Variants in C12orf42 observed in about 807,000 individuals in gnomAD.
C12orf42 encodes uncharacterized protein C12orf42.
In C12orf42, 25 loss-of-function variants were observed where a neutral mutation model predicts 21.6. That is an observed-to-expected ratio of 1.16 (90% CI 0.84 to 1.62). C12orf42 has a LOEUF of 1.62. C12orf42 is among the 40% of genes most tolerant of loss of function. C12orf42 has a pLI of 0.00. For missense variants in C12orf42, 483 were observed against 459.3 expected, an observed-to-expected ratio of 1.05 and a Z score of -0.47; for synonymous variants, 174 against 175.0, an observed-to-expected ratio of 0.99 and a Z score of 0.05.
the C12orf42 span, among the ~76,000 whole-genome samples, chr12:103,541,764 C>CT: frequency 5.4e-4 from 81 of 149,100 alleles, no homozygotes; most frequent in African/African-American, 1.4e-3. Flanking sequence ...TTGATTTAAT[C>CT]TTTTTTTTTT....
At chr12:103,131,536 G>A in the C12orf42 span, among the ~76,000 whole-genome samples, 1 of 152,048 alleles carries the variant, frequency 6.6e-6, no homozygotes, top group Non-Finnish European at 1.5e-5. Context: ...CTGTAGTTGA[G>A]GTAAAGCCCC....
chr12:103,256,031 C>T (rs1253457015), intron 10 of C12orf42, among the ~76,000 whole-genome samples: 32 of 110,910 alleles, frequency 2.9e-4, no homozygotes, highest in African/African-American at 6.7e-4. Context: ...CCAGCCTGGG[C>T]GAAAGAGCGA....
At chr12:103,297,557 C>T (rs896598067), downstream of C12orf42, among the ~76,000 whole-genome samples, 4 of 152,168 alleles carry the variant, frequency 2.6e-5, no homozygotes, top group South Asian at 2.1e-4. Flanking sequence ...CCTTCTGAAA[C>T]TATTCCAATC....
chr12:103,363,900 G>C (rs559165505), intron 4 of C12orf42, among the ~76,000 whole-genome samples: 4 of 152,120 alleles, frequency 2.6e-5, no homozygotes, highest in African/African-American at 9.6e-5. Flanking sequence ...AATAGTGGAG[G>C]ATTTCAATAC....
chr12:103,420,974 AC>A (rs2049843481), intron 2 of C12orf42, among the ~76,000 whole-genome samples: 1 of 152,244 alleles, frequency 6.6e-6, no homozygotes, highest in African/African-American at 2.4e-5. Context: ...ACCTATTCTT[AC>A]ACATTTTTCA....
chr12:103,068,969 A>G, the C12orf42 span, among the ~76,000 whole-genome samples: 14,852 of 91,630 alleles, frequency 0.16, 2,060 homozygotes, highest in East Asian at 0.55. Flanking sequence ...ATATATATAT[A>G]TATATATATA....
chr12:103,554,655 CTT>C, the C12orf42 span, among the ~76,000 whole-genome samples: 1 of 151,708 alleles, frequency 6.6e-6, no homozygotes, highest in Non-Finnish European at 1.5e-5. Context: ...CCCCAGAAAA[CTT>C]ACAATTATGG....
the C12orf42 span, among the ~76,000 whole-genome samples, chr12:103,199,928 C>T: frequency 2.6e-5 from 4 of 152,094 alleles, no homozygotes; most frequent in African/African-American, 9.6e-5. Flanking sequence ...TTGGAGGTCC[C>T]CAGAAAACTA....
intron 1 of C12orf42, among the ~76,000 whole-genome samples, chr12:103,478,970 G>A (rs1954273276): frequency 6.6e-6 from 1 of 152,044 alleles, no homozygotes; most frequent in South Asian, 2.1e-4. Context: ...TAATGGCTTT[G>A]TTCCTTTTTA....
intron 10 of C12orf42, among the ~76,000 whole-genome samples, chr12:103,251,013 G>A (rs1223657191): frequency 6.6e-6 from 1 of 151,860 alleles, no homozygotes; most frequent in Non-Finnish European, 1.5e-5. Context: ...CCCCTTTCTG[G>A]CACTTAAGTG....
the C12orf42 span, among the ~76,000 whole-genome samples, chr12:103,057,599 C>A: frequency 6.6e-6 from 1 of 152,126 alleles, no homozygotes; most frequent in Non-Finnish European, 1.5e-5. Context: ...TCTAGTCTAT[C>A]ATTGATGGGC....
At chr12:103,243,035 TTTTTA>T (rs2033830295) in intron 10 of C12orf42, among the ~76,000 whole-genome samples, 1 of 152,162 alleles carries the variant, frequency 6.6e-6, no homozygotes. Flanking sequence ...TGGGAAATTT[TTTTTA>T]AGAGATAGGG....
chr12:103,355,467 G>T (rs918875990), intron 4 of C12orf42, among the ~76,000 whole-genome samples: 4 of 152,142 alleles, frequency 2.6e-5, no homozygotes, highest in Admixed American at 1.3e-4. Context: ...CTGAAAGGAA[G>T]ATGATCATTT....
the C12orf42 span, among the ~76,000 whole-genome samples, chr12:103,101,223 A>G: frequency 1.3e-5 from 2 of 152,222 alleles, no homozygotes; most frequent in African/African-American, 4.8e-5. Flanking sequence ...TGCCTTGGGT[A>G]GAATGGTCCA....
chr12:103,386,347 G>A (rs904139337), intron 3 of C12orf42, among the ~76,000 whole-genome samples: 6 of 152,022 alleles, frequency 3.9e-5, no homozygotes, highest in African/African-American at 4.8e-5. Flanking sequence ...TTAAGAGCTC[G>A]GTGGCAGTTC....
the C12orf42 span, among the ~76,000 whole-genome samples, chr12:103,194,901 A>T: frequency 3.9e-5 from 6 of 152,138 alleles, no homozygotes; most frequent in East Asian, 1.2e-3. Context: ...CACCCAGGTA[A>T]CAAACATAGC....
chr12:103,371,170 T>G (rs2045192450), intron 3 of C12orf42, among the ~76,000 whole-genome samples: 1 of 151,900 alleles, frequency 6.6e-6, no homozygotes, highest in Non-Finnish European at 1.5e-5. Context: ...AAGGGTAAGG[T>G]TTTCATCTTG....
At chr12:103,114,138 G>GA in the C12orf42 span, among the ~76,000 whole-genome samples, 2,565 of 150,670 alleles carry the variant, frequency 0.017, 29 homozygotes, top group Non-Finnish European at 0.028. Context: ...CCTCCCAGTA[G>GA]AAAAAAAAAT....
chr12:103,175,273 T>C, the C12orf42 span, among the ~76,000 whole-genome samples: 1 of 152,192 alleles, frequency 6.6e-6, no homozygotes, highest in Non-Finnish European at 1.5e-5. Flanking sequence ...AAAGTCCCTT[T>C]TGTTTTTTTA....
Sources: gnomAD v4.1 joint callset for allele counts (sites outside exome capture counted in the v4.1 genomes callset) on GRCh38, gnomAD v4.1.1 for gene constraint, MANE v1.5 for transcripts, NCBI Gene and HGNC (gene_info 2026-07-23, HGNC 2026-07-21) for gene names.